The following PIGF variants were observed in gnomAD, a reference collection of about 807,000 sequenced individuals.
PIGF encodes the protein GPI ethanolamine phosphate transferase, stabilizing subunit.
In PIGF, 23 loss-of-function variants were observed where a neutral mutation model predicts 26.0. That is an observed-to-expected ratio of 0.88 (90% CI 0.64 to 1.25). The LOEUF (loss-of-function observed/expected upper bound fraction) is 1.25, where lower values mean the gene tolerates loss of function less well. Ranked by LOEUF, PIGF falls within the 50% of genes most tolerant of loss-of-function variation. PIGF has a pLI of 0.00. For missense variants in PIGF, 278 were observed against 249.9 expected (o/e 1.11, Z -0.76); for synonymous variants, 93 against 92.6 (o/e 1.00, Z -0.03).
rs561884991 is a variant in PIGF at position 46,617,035 on chromosome 2, G to A, written c.-87C>T. On this transcript the variant is annotated 5_prime_UTR_variant, in exon 1 of 6. Transcript: ENST00000281382. ...CCTCCTACCATCAGGTACGACGGGC[G>A]GCCCAGGCCCACGCGCAGGCGCAGG... 3 of 588,298 alleles carry A rather than the reference G, an allele frequency of 5.1e-6. No homozygotes were observed. The highest frequency in any genetic ancestry group is 6.0e-6 in the Non-Finnish European group (2 of 331,344). The allele number at this position is 588,298 out of a possible 1,614,324, so 36.4% of individuals were successfully genotyped here.
chr2:46,614,702 A>G (rs943898896), intron 2 of PIGF: 8 of 386,616 alleles, frequency 2.1e-5, no homozygotes, highest in African/African-American at 1.4e-4. Context: ...TAGGCTCACA[A>G]TATTATAATA....
chr2:46,600,667 A>G (rs905339280), intron 4 of PIGF, among the ~76,000 whole-genome samples: 1 of 152,148 alleles, frequency 6.6e-6, no homozygotes, highest in South Asian at 2.1e-4. Context: ...ATCAGTAAGA[A>G]GCACAACCAT....
At chr2:46,587,372 G>C (rs754352589) in intron 5 of PIGF, among the ~76,000 whole-genome samples, 2 of 151,162 alleles carry the variant, frequency 1.3e-5, no homozygotes, top group Non-Finnish European at 2.9e-5. Flanking sequence ...ATTATCTGTG[G>C]CATCTGTGAC....
In PIGF at chr2:46,588,221, T is replaced by TA; in HGVS notation, c.546+4253dup. On this transcript the variant is annotated intron_variant, in intron 5 of 5. Transcript: ENST00000281382. The surrounding 1 kb of genome is among the most constrained non-coding windows in gnomAD (Gnocchi z 4.1). ...GATTGAAAATTATGTGAAATCCAAA[T>TA]ACCCTAAATTGGCATAACTAAATAC... 1 of 1,605,726 alleles carries TA rather than the reference T, an allele frequency of 6.2e-7. No individual in the cohort carries two copies. The highest frequency in any genetic ancestry group is 2.2e-5 in the East Asian group (1 of 44,470).
chr2:46,585,042 A>ATGTTTC (rs1669524822), intron 5 of PIGF, among the ~76,000 whole-genome samples: 1 of 152,214 alleles, frequency 6.6e-6, no homozygotes, highest in African/African-American at 2.4e-5. Context: ...ACATACAGAC[A>ATGTTTC]TGTTTCTATT....
At chr2:46,584,061 G>T (rs1379461157) in intron 5 of PIGF, among the ~76,000 whole-genome samples, 2 of 152,194 alleles carry the variant, frequency 1.3e-5, no homozygotes, top group South Asian at 2.1e-4. Context: ...GTTTTGTTAT[G>T]AATTATCTTA....
Position 46,606,355 on chromosome 2 carries a change from T to C in PIGF, c.437+5873A>G, listed in dbSNP as rs1250578458. Among the ~76,000 whole-genome samples the C allele has an allele frequency of 2.6e-5, 4 of 152,210 alleles. No individual in the cohort carries two copies. In the South Asian group the frequency reaches 6.2e-4, roughly 24 times the overall value. Reference sequence around the variant, plus strand: ...ACAACTTTTGACATAAATGGTAGCATCCTGTACACATTTTTTCACCTTGCT... The same window carrying C: ...ACAACTTTTGACATAAATGGTAGCACCCTGTACACATTTTTTCACCTTGCT... On this transcript the variant is annotated intron_variant, in intron 4 of 5. Coordinates refer to ENST00000281382, the MANE Select transcript of PIGF (RefSeq NM_002643.4).
chr2:46,589,218 A>G lies in PIGF; in HGVS notation c.546+3257T>C, dbSNP rs1669661380. ...TACAAAAGAAAGGCTTCCTCCAACT[A>G]TAAAGATGCCTAATCTTTCATCACT... On this transcript the variant is annotated intron_variant, in intron 5 of 5. Coordinates refer to ENST00000281382, the MANE Select transcript of PIGF (RefSeq NM_002643.4). The surrounding 1 kb of genome is among the most constrained non-coding windows in gnomAD (Gnocchi z 4.7). Among the ~76,000 whole-genome samples the G allele has an allele frequency of 6.6e-6, 1 of 152,092 alleles. No homozygotes were observed. The highest frequency in any genetic ancestry group is 1.5e-5 in the Non-Finnish European group (1 of 67,936).
intron 4 of PIGF, among the ~76,000 whole-genome samples, chr2:46,600,817 T>C (rs1208550511): frequency 2.6e-5 from 4 of 152,144 alleles, no homozygotes; most frequent in African/African-American, 9.6e-5. Flanking sequence ...TAAGAAGAGG[T>C]AGATTATACA....
chr2:46,599,567 T>A (rs1248142220), intron 4 of PIGF, among the ~76,000 whole-genome samples: 1 of 152,184 alleles, frequency 6.6e-6, no homozygotes, highest in African/African-American at 2.4e-5. Flanking sequence ...TTCTAATTTG[T>A]CTGTTTCTTG....
intron 4 of PIGF, among the ~76,000 whole-genome samples, chr2:46,607,376 C>T (rs549266504): frequency 5.9e-5 from 9 of 152,248 alleles, no homozygotes; most frequent in African/African-American, 1.4e-4. Context: ...TATTTGGGTG[C>T]AGGCATACCT....
At position 46,588,398 on chromosome 2, in the gene PIGF, A is replaced by G. The variant is rs1292961428; in HGVS notation, c.546+4077T>C. On this transcript the variant is annotated intron_variant, in intron 5 of 5. Coordinates refer to ENST00000281382, the MANE Select transcript of PIGF (RefSeq NM_002643.4). This position sits in a 1 kb window ranked among gnomAD's most constrained non-coding sequence, Gnocchi z 4.1. ...TTTGCATTTTTTGAAGGCTAAAAAT[A>G]TAGTCATTAAACTATGTCTTTTCTA... 5 of 490,164 alleles carry G rather than the reference A, an allele frequency of 1.0e-5. 1 individual carries two copies. Among genetic ancestry groups the G allele is most frequent in the Admixed American group, 4.1e-5 (1 of 24,654 alleles). The allele number at this position is 490,164 out of a possible 1,614,324, so 30.4% of individuals were successfully genotyped here. A position where few individuals can be genotyped will look rare whatever the true frequency, so the allele number is the denominator to read the frequency against.
intron 5 of PIGF, among the ~76,000 whole-genome samples, chr2:46,586,010 G>A (rs1391576827): frequency 6.6e-6 from 1 of 152,138 alleles, no homozygotes; most frequent in Non-Finnish European, 1.5e-5. Context: ...TCCTGACCTC[G>A]TGATCCGTCT....
At chr2:46,608,182 T>G (rs987973214) in intron 4 of PIGF, among the ~76,000 whole-genome samples, 3 of 152,212 alleles carry the variant, frequency 2.0e-5, no homozygotes, top group Non-Finnish European at 4.4e-5. Flanking sequence ...TAACTAAGTT[T>G]ATGCAATATC....
intron 4 of PIGF, among the ~76,000 whole-genome samples, chr2:46,601,433 G>A (rs1210181478): frequency 6.6e-6 from 1 of 152,104 alleles, no homozygotes; most frequent in Non-Finnish European, 1.5e-5. Context: ...TCAGACACCT[G>A]AGGGTAGTTC....
At chr2:46,611,813 T>G (rs1377781650) in intron 4 of PIGF, among the ~76,000 whole-genome samples, 3 of 152,232 alleles carry the variant, frequency 2.0e-5, no homozygotes, top group Admixed American at 2.0e-4. Flanking sequence ...ACACAACACA[T>G]TTTTAGATTG....
intron 4 of PIGF, among the ~76,000 whole-genome samples, chr2:46,602,946 A>T (rs1004138536): frequency 6.6e-6 from 1 of 151,976 alleles, no homozygotes; most frequent in African/African-American, 2.4e-5. Context: ...CAGATGATAT[A>T]ATCGTGTATT....
At chr2:46,593,311 TTAG>T (rs1271657701) in intron 4 of PIGF, among the ~76,000 whole-genome samples, 1 of 152,086 alleles carries the variant, frequency 6.6e-6, no homozygotes, top group African/African-American at 2.4e-5. Context: ...TTTTGTACTT[TTAG>T]TAGAGATGGG....
chr2:46,608,979 C>T (rs1200999421), intron 4 of PIGF, among the ~76,000 whole-genome samples: 1 of 152,170 alleles, frequency 6.6e-6, no homozygotes, highest in African/African-American at 2.4e-5. Context: ...CTGCACTGGC[C>T]CCTAACAAGA....
Sources: allele counts gnomAD v4.1 joint callset (sites outside exome capture counted in the v4.1 genomes callset), GRCh38; gene constraint gnomAD v4.1.1; non-coding constraint Gnocchi (gnomAD v3.1); transcripts MANE v1.5; gene names NCBI Gene and HGNC (gene_info 2026-07-23, HGNC 2026-07-21).